Variants in RFX4 observed in about 807,000 individuals in gnomAD.
The protein encoded by RFX4 is transcription factor RFX4.
Under a neutral mutation model 95.0 loss-of-function variants are expected in RFX4, and 10 were observed. That is an observed-to-expected ratio of 0.11 (90% CI 0.06 to 0.18). The LOEUF (loss-of-function observed/expected upper bound fraction) is 0.18, where lower values mean the gene tolerates loss of function less well. Ranked by LOEUF, RFX4 falls within the 10% of genes least tolerant of loss-of-function variation. The pLI is 1.00. For synonymous variants in RFX4, 321 were observed against 340.7 expected, an observed-to-expected ratio of 0.94 and a Z score of 0.64; for missense variants, 640 against 922.0, an observed-to-expected ratio of 0.69 and a Z score of 3.96.
chr12:106,706,367 T>C (rs2042086000), intron 8 of RFX4, among the ~76,000 whole-genome samples: 1 of 151,558 alleles, frequency 6.6e-6, no homozygotes, highest in Non-Finnish European at 1.5e-5. Flanking sequence ...GAAGATGGAG[T>C]GGAGGTGGGA....
At chr12:106,591,802 C>G (rs987061307) in intron 1 of RFX4, among the ~76,000 whole-genome samples, 2 of 152,008 alleles carry the variant, frequency 1.3e-5, no homozygotes, top group Non-Finnish European at 2.9e-5. Context: ...ATATATGGAG[C>G]CTTTAGGTAA....
intron 13 of RFX4, among the ~76,000 whole-genome samples, chr12:106,729,787 GCTA>G (rs1203966309): frequency 6.6e-6 from 1 of 152,206 alleles, no homozygotes; most frequent in Admixed American, 6.5e-5. Context: ...TAAAGTCTAA[GCTA>G]CTAAGTGGCA....
At chr12:106,638,984 C>T (rs919496183) in intron 2 of RFX4, among the ~76,000 whole-genome samples, 24 of 152,194 alleles carry the variant, frequency 1.6e-4, no homozygotes, top group African/African-American at 5.3e-4. Context: ...ACTGAGGTCC[C>T]TATGTTTTTA....
intron 1 of RFX4, among the ~76,000 whole-genome samples, chr12:106,607,579 G>C (rs1288302000): frequency 1.5e-5 from 2 of 130,476 alleles, no homozygotes; most frequent in Non-Finnish European, 3.1e-5. Flanking sequence ...GGGTGGGGTG[G>C]GGGGGGCGTG....
intron 8 of RFX4, among the ~76,000 whole-genome samples, chr12:106,700,297 G>A (rs574236382): frequency 4.0e-5 from 6 of 151,766 alleles, no homozygotes; most frequent in South Asian, 2.1e-4. Flanking sequence ...CTCCCAACGC[G>A]TTGGGATTAC....
At chr12:106,735,750 A>G (rs2042698435) in intron 15 of RFX4, among the ~76,000 whole-genome samples, 1 of 152,064 alleles carries the variant, frequency 6.6e-6, no homozygotes, top group African/African-American at 2.4e-5. Flanking sequence ...GCTGGGTGCT[A>G]TGGGAAATAA....
intron 7 of RFX4, among the ~76,000 whole-genome samples, chr12:106,691,558 G>T (rs2041783946): frequency 6.6e-6 from 1 of 152,238 alleles, no homozygotes; most frequent in African/African-American, 2.4e-5. Flanking sequence ...GATGGTGGAT[G>T]TATCTGGTAC....
At chr12:106,731,726 A>C (rs556892690) in intron 13 of RFX4, among the ~76,000 whole-genome samples, 1 of 152,368 alleles carries the variant, frequency 6.6e-6, no homozygotes, top group South Asian at 2.1e-4. Context: ...AATTGGGGGA[A>C]TAATATGCTG....
chr12:106,682,445 T>C (rs2041534650), intron 5 of RFX4: 1 of 215,436 alleles, frequency 4.6e-6, no homozygotes, highest in East Asian at 1.1e-4. Flanking sequence ...AGCAAAACTG[T>C]ACTATTCCCT....
At position 106,739,810 on chromosome 12, in the gene RFX4, G is replaced by A. The variant is rs916009665; in HGVS notation, c.1633+6725G>A. On this transcript the variant is annotated intron_variant, in intron 15 of 17. Coordinates refer to ENST00000392842, the MANE Select transcript of RFX4 (RefSeq NM_213594.3). ...CTCCCCAAATTTGTAGGCTTGCTAC[G>A]CTCCCTCATGACCTGGCAAAGTTGG... Among the ~76,000 whole-genome samples the A allele has an allele frequency of 2.0e-5, 3 of 152,090 alleles. No homozygotes were observed. In the East Asian group the frequency reaches 5.8e-4, roughly 29 times the overall value.
intron 13 of RFX4, among the ~76,000 whole-genome samples, chr12:106,726,806 C>T (rs1304216075): frequency 6.6e-6 from 1 of 152,132 alleles, no homozygotes; most frequent in Non-Finnish European, 1.5e-5. Flanking sequence ...GAGTCTCACT[C>T]TGTTATCTAG....
chr12:106,736,418 A>C (rs1264789582), intron 15 of RFX4, among the ~76,000 whole-genome samples: 1 of 152,190 alleles, frequency 6.6e-6, no homozygotes, highest in Non-Finnish European at 1.5e-5. Flanking sequence ...CTTGTTCAGC[A>C]AACTTCCAGG....
intron 3 of RFX4, among the ~76,000 whole-genome samples, chr12:106,647,286 T>C (rs2040766612): frequency 6.6e-6 from 1 of 152,106 alleles, no homozygotes; most frequent in Non-Finnish European, 1.5e-5. Flanking sequence ...ATACCTGAGT[T>C]CATACTTTTT....
chr12:106,655,220 G>C (rs2040932962), intron 4 of RFX4, among the ~76,000 whole-genome samples: 1 of 152,144 alleles, frequency 6.6e-6, no homozygotes, highest in South Asian at 2.1e-4. Context: ...CAGCCACCCT[G>C]GAGAGCCCAA....
At chr12:106,640,511 CAAG>C (rs2137281638) in intron 3 of RFX4, among the ~76,000 whole-genome samples, 1 of 152,326 alleles carries the variant, frequency 6.6e-6, no homozygotes, top group South Asian at 2.1e-4. Flanking sequence ...TGTTTTGCTT[CAAG>C]AATAGCAAAG....
intron 13 of RFX4, among the ~76,000 whole-genome samples, chr12:106,726,980 C>T (rs989353482): frequency 2.6e-5 from 4 of 152,090 alleles, no homozygotes; most frequent in African/African-American, 9.7e-5. Flanking sequence ...CCATGTTGGC[C>T]AGGCTGGTCA....
chr12:106,674,326 TTTTC>T (rs1490723248), intron 4 of RFX4, among the ~76,000 whole-genome samples: 4 of 151,788 alleles, frequency 2.6e-5, no homozygotes, highest in Admixed American at 2.6e-4. Context: ...CCCACCTCCA[TTTTC>T]TTTCTTTTTT....
At chr12:106,732,903 T>C (rs2042639786) in intron 14 of RFX4, 21 bp from the exon 15 acceptor site, 6 of 1,604,834 alleles carry the variant, frequency 3.7e-6, no homozygotes, top group Non-Finnish European at 5.1e-6. Context: ...TTTTAAAAAC[T>C]TACCCTATCT....
chr12:106,690,561 T>C (rs1248046798), intron 7 of RFX4, among the ~76,000 whole-genome samples: 1 of 149,472 alleles, frequency 6.7e-6, no homozygotes, highest in Non-Finnish European at 1.5e-5. Context: ...GCGTTTGTTC[T>C]TGGTTGGAAG....
Sources: allele counts gnomAD v4.1 joint callset (sites outside exome capture counted in the v4.1 genomes callset), GRCh38; gene constraint gnomAD v4.1.1; transcripts MANE v1.5; gene names NCBI Gene and HGNC (gene_info 2026-07-23, HGNC 2026-07-21).